The following ANKS1B variants were observed in gnomAD, a reference collection of about 807,000 sequenced individuals.
ANKS1B encodes ankyrin repeat and sterile alpha motif domain containing 1B, also known as ankyrin repeat and sterile alpha motif domain-containing protein 1B.
In ANKS1B, 36 loss-of-function variants were observed where a neutral mutation model predicts 148.3. The observed-to-expected ratio is 0.24, with a 90% CI of 0.19 to 0.32. The LOEUF is 0.32. ANKS1B is among the 10% of genes least tolerant of loss of function. ANKS1B has a pLI of 1.00. For synonymous variants in ANKS1B, 542 were observed against 560.8 expected, an observed-to-expected ratio of 0.97 and a Z score of 0.47; for missense variants, 1,157 against 1,542.6, an observed-to-expected ratio of 0.75 and a Z score of 4.19.
intron 1 of ANKS1B, among the ~76,000 whole-genome samples, chr12:99,866,927 T>C (rs974157465): frequency 6.6e-6 from 1 of 152,130 alleles, no homozygotes; most frequent in African/African-American, 2.4e-5. Context: ...GTGTTTTCTG[T>C]CATTGCAAGG....
At chr12:99,615,812 G>T (rs1281484684) in intron 9 of ANKS1B, among the ~76,000 whole-genome samples, 1 of 152,112 alleles carries the variant, frequency 6.6e-6, no homozygotes, top group Non-Finnish European at 1.5e-5. Context: ...GCAAGAGAAA[G>T]AAATAAAGGG....
intron 10 of ANKS1B, among the ~76,000 whole-genome samples, chr12:99,460,001 A>G (rs1461744273): frequency 6.6e-6 from 1 of 152,186 alleles, no homozygotes; most frequent in Non-Finnish European, 1.5e-5. Context: ...ACTGAACTTC[A>G]AACTATACTA....
Position 99,616,429 on chromosome 12 carries a change from G to A in ANKS1B, c.1272+38638C>T, listed in dbSNP as rs560645269. On this transcript the variant is annotated intron_variant, in intron 9 of 26. Coordinates refer to ENST00000683438, the MANE Select transcript of ANKS1B (RefSeq NM_001352186.2). ...CAGTAACCAAAACAGCAGGGTACTC[G>A]TACCAAACCAGATATACAGACCAAT... 7.2e-5 allele frequency among the ~76,000 whole-genome samples: 11 copies of A among 152,168 alleles called. No homozygotes were observed. In the East Asian group the frequency reaches 1.7e-3, roughly 24 times the overall value.
intron 9 of ANKS1B, among the ~76,000 whole-genome samples, chr12:99,607,148 C>T (rs1381090627): frequency 6.6e-6 from 1 of 152,116 alleles, no homozygotes; most frequent in Non-Finnish European, 1.5e-5. Context: ...CTGTGGTTGA[C>T]TGGCAGCCTA....
chr12:98,788,426 G>C (rs992916920), intron 22 of ANKS1B, among the ~76,000 whole-genome samples: 3 of 152,124 alleles, frequency 2.0e-5, no homozygotes, highest in African/African-American at 4.8e-5. Context: ...TCCCCCTCTA[G>C]ACATCTTTAA....
intron 11 of ANKS1B, among the ~76,000 whole-genome samples, chr12:99,438,323 A>T (rs2095494499): frequency 6.6e-6 from 1 of 151,878 alleles, no homozygotes. Flanking sequence ...TGTCTTTGGT[A>T]CTATCTCTCT....
chr12:99,461,714 G>A (rs2095975635), intron 10 of ANKS1B, among the ~76,000 whole-genome samples: 1 of 152,180 alleles, frequency 6.6e-6, no homozygotes, highest in Non-Finnish European at 1.5e-5. Context: ...TTTGGGAACT[G>A]TCAGTTTCCT....
At chr12:99,327,507 T>C (rs12821817) in intron 12 of ANKS1B, among the ~76,000 whole-genome samples, 1 of 142,286 alleles carries the variant, frequency 7.0e-6, no homozygotes, top group Non-Finnish European at 1.5e-5. Context: ...AAAATCTAGG[T>C]TTGTATACAT....
intron 9 of ANKS1B, among the ~76,000 whole-genome samples, chr12:99,521,135 T>G (rs2096871287): frequency 6.6e-6 from 1 of 152,180 alleles, no homozygotes; most frequent in African/African-American, 2.4e-5. Context: ...AAGCTCACTT[T>G]CTTCTGCTGC....
chr12:99,431,255 T>C (rs959538661), intron 11 of ANKS1B, among the ~76,000 whole-genome samples: 1 of 152,192 alleles, frequency 6.6e-6, no homozygotes, highest in African/African-American at 2.4e-5. Flanking sequence ...ACAGAAATCA[T>C]AATGGTCTTA....
intron 17 of ANKS1B, chr12:98,894,487 C>T: frequency 3.6e-6 from 3 of 840,518 alleles, no homozygotes; most frequent in Non-Finnish European, 4.3e-6. Flanking sequence ...GCAACACCTG[C>T]CCCGGCAAAG....
chr12:99,166,536 C>T lies in ANKS1B; in HGVS notation c.2420-12141G>A, dbSNP rs558136704. Among the ~76,000 whole-genome samples, 9 of 151,980 alleles carry T rather than the reference C, an allele frequency of 5.9e-5. No homozygotes were observed. In the East Asian group the frequency reaches 1.2e-3, roughly 20 times the overall value. On this transcript the variant is annotated intron_variant, in intron 14 of 26. Transcript: ENST00000683438. ...AACATAATTTACAACAGCACCAAAA[C>T]TATGAAATTCTAAGGAATAAAACTG...
At chr12:99,139,572 C>T (rs1450797432) in intron 15 of ANKS1B, among the ~76,000 whole-genome samples, 2 of 146,746 alleles carry the variant, frequency 1.4e-5, no homozygotes, top group Non-Finnish European at 3.0e-5. Flanking sequence ...AGCCACTGTG[C>T]GCAGCCAGTC....
Position 99,053,308 on chromosome 12 carries a change from A to T in ANKS1B, c.2627T>A (p.Met876Lys). 2 of 1,590,328 alleles carry T rather than the reference A, an allele frequency of 1.3e-6. No individual in the cohort carries two copies. The highest frequency in any genetic ancestry group is 1.7e-6 in the Non-Finnish European group (2 of 1,170,636). ...ILQAIQLLPK[M>K]RPIGHDGYHP... ...GTAGCCATCATGCCCAATGGGTCTC[A>T]TCTGTAATAAAGAAAATTACATTAG... Residue 876 changes from methionine to lysine, a missense_variant and splice_region_variant, in exon 17 of 27, where the codon ATG becomes AAG. Physicochemically the swap from Met to Lys is moderately conservative, Grantham distance 95. Around this residue, in one of 6 missense-constraint regions of ANKS1B, gnomAD observed 258 missense variants for 497.0 expected, o/e 0.52. Coordinates refer to ENST00000683438, the MANE Select transcript of ANKS1B (RefSeq NM_001352186.2).
chr12:99,811,902 G>A (rs1413753040), intron 3 of ANKS1B, among the ~76,000 whole-genome samples: 2 of 151,742 alleles, frequency 1.3e-5, no homozygotes, highest in Admixed American at 1.3e-4. Flanking sequence ...GATTATATAA[G>A]ACAGGCAAAA....
At chr12:99,905,162 A>T (rs1258718524) in intron 1 of ANKS1B, among the ~76,000 whole-genome samples, 1 of 152,198 alleles carries the variant, frequency 6.6e-6, no homozygotes, top group Non-Finnish European at 1.5e-5. Context: ...AATTGAGGGT[A>T]AAGGGAGTTA....
intron 17 of ANKS1B, among the ~76,000 whole-genome samples, chr12:98,864,989 C>T (rs2099617234): frequency 6.6e-6 from 1 of 152,126 alleles, no homozygotes; most frequent in Non-Finnish European, 1.5e-5. Context: ...TTCCTCTGCT[C>T]GCCTTGTAAA....
chr12:99,880,196 T>C (rs2092389247), intron 1 of ANKS1B, among the ~76,000 whole-genome samples: 1 of 152,178 alleles, frequency 6.6e-6, no homozygotes, highest in South Asian at 2.1e-4. Context: ...TCCAAAGTAG[T>C]GAGAGTAATA....
intron 1 of ANKS1B, among the ~76,000 whole-genome samples, chr12:99,928,273 T>A (rs1227355924): frequency 4.8e-5 from 4 of 82,568 alleles, no homozygotes; most frequent in African/African-American, 1.9e-4. Context: ...TTTATTTTAT[T>A]TTTTTTTTTT....
Sources: gnomAD v4.1 joint callset for allele counts (sites outside exome capture counted in the v4.1 genomes callset) on GRCh38, gnomAD v4.1.1 for gene constraint, gnomAD v4.1.1 regional missense constraint, MANE v1.5 for transcripts, NCBI Gene and HGNC (gene_info 2026-07-23, HGNC 2026-07-21) for gene names.